The following CD200R1L variants were observed in gnomAD, a reference collection of about 807,000 sequenced individuals.
The protein encoded by CD200R1L is CD200 receptor 1 like.
Under a neutral mutation model 24.8 loss-of-function variants are expected in CD200R1L, and 14 were observed. The observed-to-expected ratio is 0.56, with a 90% CI of 0.37 to 0.88. The LOEUF (loss-of-function observed/expected upper bound fraction) is 0.88. Ranked by LOEUF, CD200R1L falls within the 40% of genes least tolerant of loss-of-function variation. The pLI is 0.00. For synonymous variants in CD200R1L, 111 were observed against 109.2 expected (o/e 1.02, Z -0.11); for missense variants, 299 against 297.8 (o/e 1.00, Z -0.03).
chr3:112,842,890 C>T (rs956739796), intron 2 of CD200R1L, among the ~76,000 whole-genome samples: 1 of 152,184 alleles, frequency 6.6e-6, no homozygotes, highest in Admixed American at 6.5e-5. Flanking sequence ...CAAGACAATA[C>T]ATGCACCGCT....
intron 2 of CD200R1L, among the ~76,000 whole-genome samples, chr3:112,843,924 A>C (rs772079769): frequency 2.6e-5 from 4 of 152,234 alleles, no homozygotes; most frequent in Non-Finnish European, 4.4e-5. Flanking sequence ...GCAAAACAGA[A>C]TTTAAACGAA....
chr3:112,818,346 G>A (rs906215610), intron 7 of CD200R1L, among the ~76,000 whole-genome samples: 4 of 152,082 alleles, frequency 2.6e-5, no homozygotes, highest in Non-Finnish European at 5.9e-5. Context: ...AACAAGAAAG[G>A]GAATTGAGAC....
At chr3:112,831,020 G>A (rs1938785254) in intron 3 of CD200R1L, among the ~76,000 whole-genome samples, 1 of 152,106 alleles carries the variant, frequency 6.6e-6, no homozygotes, top group Non-Finnish European at 1.5e-5. Flanking sequence ...TAGGGGGGAG[G>A]CATGGTTACC....
chr3:112,846,483 A>G (rs1939203153), intron 1 of CD200R1L, 142 bp downstream of exon 1: 1 of 152,160 alleles, frequency 6.6e-6, no homozygotes, highest in South Asian at 2.1e-4. Flanking sequence ...GTGTACATTC[A>G]TTTTCTTGGA....
At chr3:112,840,329 G>A (rs986554054) in intron 2 of CD200R1L, among the ~76,000 whole-genome samples, 7 of 152,164 alleles carry the variant, frequency 4.6e-5, no homozygotes, top group Admixed American at 2.0e-4. Flanking sequence ...AGGGCCTCAG[G>A]GAGCTTTTAC....
At position 112,827,993 on chromosome 3, in the gene CD200R1L, GA is replaced by G. The variant is rs1477868407; in HGVS notation, c.50-310del. Among the ~76,000 whole-genome samples, 7 of 152,100 alleles carry G rather than the reference GA, an allele frequency of 4.6e-5. No individual in the cohort carries two copies. The East Asian group carries it at 1.2e-3, about 25-fold the overall frequency. On this transcript the variant is annotated intron_variant, in intron 4 of 7. Coordinates refer to ENST00000488794, the MANE Select transcript of CD200R1L (RefSeq NM_001199215.3). ...TCAGGAGTTTTAATATCTAGAAACA[GA>G]AAAGAAAACAGAATTATAATTTAAA... is the stretch of plus-strand genomic sequence containing the variant.
rs1319518469 is a variant in CD200R1L, at chr3:112,819,764, G to C, written c.740+8C>G. 1.4e-5 allele frequency: 22 copies of C among 1,592,240 alleles called. No homozygotes were observed. The highest frequency in any genetic ancestry group is 2.7e-5 in the African/African-American group (2 of 73,136). On this transcript the variant is annotated splice_region_variant and intron_variant, in intron 7 of 7. Coordinates refer to ENST00000488794, the MANE Select transcript of CD200R1L (RefSeq NM_001199215.3). ...TGTGTCTTATGCTTTTCAGTCTTCA[G>C]TTCCTACCTGACATGATTTATCCTC...
chr3:112,844,185 G>T (rs1939143979), intron 2 of CD200R1L, among the ~76,000 whole-genome samples: 1 of 152,176 alleles, frequency 6.6e-6, no homozygotes, highest in Non-Finnish European at 1.5e-5. Context: ...TGTAATATTT[G>T]ATCAATTGGG....
At chr3:112,827,744 A>G in intron 4 of CD200R1L, 60 bp from the exon 5 acceptor site, 1 of 1,469,338 alleles carries the variant, frequency 6.8e-7, no homozygotes, top group Non-Finnish European at 9.2e-7. Flanking sequence ...TTCATGTGTT[A>G]TGTTTATCCA....
intron 3 of CD200R1L, chr3:112,829,610 AT>A (rs1183562514): frequency 1.1e-6 from 1 of 893,796 alleles, no homozygotes; most frequent in African/African-American, 1.8e-5. Flanking sequence ...ATGATTTCTC[AT>A]TCATGAGATG....
In CD200R1L at chr3:112,845,100, T is replaced by C. The variant is rs561676292; in HGVS notation, c.-87+579A>G. Among the ~76,000 whole-genome samples the C allele has an allele frequency of 6.6e-5, 10 of 151,778 alleles. No individual in the cohort carries two copies. In the East Asian group the frequency reaches 1.9e-3, roughly 29 times the overall value. ...ACAAAGCATCAACAAAACCAAAAGGTGACTCCTTGAAAAGACAAACAAGGT... is the reference window on the plus strand; with the variant it reads ...ACAAAGCATCAACAAAACCAAAAGGCGACTCCTTGAAAAGACAAACAAGGT... On this transcript the variant is annotated intron_variant, in intron 2 of 7. Transcript: ENST00000488794.
At chr3:112,820,710 C>T (rs1182505741) in intron 6 of CD200R1L, among the ~76,000 whole-genome samples, 2 of 151,854 alleles carry the variant, frequency 1.3e-5, no homozygotes, top group African/African-American at 4.8e-5. Flanking sequence ...GGATTACCGG[C>T]ATGAGCCACC....
At chr3:112,829,496 A>C in intron 3 of CD200R1L, 112 bp from the exon 4 acceptor site, 1 of 1,284,394 alleles carries the variant, frequency 7.8e-7, no homozygotes, top group Non-Finnish European at 1.1e-6. Context: ...AACCATAACT[A>C]AAATTATACA....
At chr3:112,832,690 T>G (rs1938831195) in intron 3 of CD200R1L, among the ~76,000 whole-genome samples, 1 of 152,218 alleles carries the variant, frequency 6.6e-6, no homozygotes, top group Admixed American at 6.5e-5. Flanking sequence ...CTCTGCCAGA[T>G]AAGCTATCTT....
intron 2 of CD200R1L, among the ~76,000 whole-genome samples, chr3:112,838,922 A>C (rs1461194978): frequency 6.6e-6 from 1 of 152,188 alleles, no homozygotes; most frequent in Non-Finnish European, 1.5e-5. Flanking sequence ...AAGAAAAAAA[A>C]TTCTCTTTAA....
intron 3 of CD200R1L, among the ~76,000 whole-genome samples, chr3:112,832,427 A>T (rs1244133801): frequency 6.6e-6 from 1 of 152,170 alleles, no homozygotes; most frequent in Non-Finnish European, 1.5e-5. Flanking sequence ...CTTGATCTGT[A>T]AAGTAAGTGC....
intron 2 of CD200R1L, among the ~76,000 whole-genome samples, chr3:112,843,141 T>C (rs1939120254): frequency 6.6e-6 from 1 of 152,114 alleles, no homozygotes; most frequent in Non-Finnish European, 1.5e-5. Context: ...TTAGAAAACA[T>C]ATTTGAGGAT....
At chr3:112,820,285 A>G (rs553747365) in intron 6 of CD200R1L, among the ~76,000 whole-genome samples, 2 of 152,330 alleles carry the variant, frequency 1.3e-5, no homozygotes, top group African/African-American at 4.8e-5. Flanking sequence ...AACACTTTCC[A>G]CACAATGAAG....
At chr3:112,837,869 T>C (rs1252268245) in intron 3 of CD200R1L, 73 bp downstream of exon 3, 1 of 518,962 alleles carries the variant, frequency 1.9e-6, no homozygotes, top group Non-Finnish European at 2.8e-6. Context: ...ACAGGACAAA[T>C]GATCATGTAA....
Sources: allele counts gnomAD v4.1 joint callset (sites outside exome capture counted in the v4.1 genomes callset), GRCh38; gene constraint gnomAD v4.1.1; transcripts MANE v1.5; gene names NCBI Gene and HGNC (gene_info 2026-07-23, HGNC 2026-07-21).